EYA4: variants seen among roughly 807,000 people sequenced by gnomAD.
The protein encoded by EYA4 is EYA transcriptional coactivator and phosphatase 4.
Under a neutral mutation model 87.9 loss-of-function variants are expected in EYA4, and 31 were observed. The observed-to-expected ratio is 0.35, with a 90% CI of 0.27 to 0.48. The LOEUF (loss-of-function observed/expected upper bound fraction) is 0.48. Ranked by LOEUF, EYA4 falls within the 20% of genes least tolerant of loss-of-function variation. The pLI is 0.99. For missense variants in EYA4, 678 were observed against 761.4 expected, an observed-to-expected ratio of 0.89 and a Z score of 1.29; for synonymous variants, 263 against 270.6, an observed-to-expected ratio of 0.97 and a Z score of 0.28.
In EYA4 at chr6:133,529,523, A is replaced by G. The variant is rs1335202120; in HGVS notation, c.*718A>G. ...TTGGTTAAAATCTCTGTAGATAATG[A>G]AAAAAAACAAAAAAAAAAACCTTTG... On this transcript the variant is annotated 3_prime_UTR_variant, in exon 20 of 20. Coordinates refer to ENST00000355286, the MANE Select transcript of EYA4 (RefSeq NM_004100.5). 5 of 947,084 alleles carry G rather than the reference A, an allele frequency of 5.3e-6. No individual in the cohort carries two copies. Among genetic ancestry groups the G allele is most frequent in the East Asian group, 1.2e-4 (1 of 8,256 alleles). The allele number at this position is 947,084 out of a possible 1,614,324, so 58.7% of individuals were successfully genotyped here. A position where few individuals can be genotyped will look rare whatever the true frequency, so the allele number is the denominator to read the frequency against.
intron 17 of EYA4, among the ~76,000 whole-genome samples, chr6:133,520,540 C>T (rs1800025308): frequency 8.1e-6 from 1 of 123,502 alleles, no homozygotes; most frequent in African/African-American, 3.0e-5. Flanking sequence ...GAATCAATAT[C>T]GTGAAAATGG....
At position 133,465,971 on chromosome 6, in the gene EYA4, G is replaced by GT. The variant is rs987693493; in HGVS notation, c.804+1121dup. ...ATACATTTTATTTTTTAAAATTGAG[G>GT]TTTTTTTTGTAACTTGATTTTATGC... On this transcript the variant is annotated intron_variant, in intron 10 of 19. Transcript: ENST00000355286. Among the ~76,000 whole-genome samples, 12 of 151,910 alleles carry GT rather than the reference G, an allele frequency of 7.9e-5. No homozygotes were observed. In the East Asian group the frequency reaches 1.4e-3, roughly 17 times the overall value.
intron 1 of EYA4, among the ~76,000 whole-genome samples, chr6:133,250,001 TTGAA>T (rs1274906352): frequency 1.3e-5 from 2 of 152,164 alleles, no homozygotes; most frequent in African/African-American, 4.8e-5. Context: ...TATATTCCCA[TTGAA>T]TGAATGAGTA....
intron 2 of EYA4, among the ~76,000 whole-genome samples, chr6:133,338,088 C>T (rs556277524): frequency 5.3e-4 from 81 of 152,250 alleles, no homozygotes; most frequent in African/African-American, 1.8e-3. Flanking sequence ...AAAGAACATT[C>T]ATTCTTTGTA....
chr6:133,293,472 A>G (rs1778655720), intron 2 of EYA4, among the ~76,000 whole-genome samples: 1 of 152,072 alleles, frequency 6.6e-6, no homozygotes. Context: ...ATGAATGAGA[A>G]TAAGAAAGGC....
chr6:133,315,557 A>C (rs1183200878), intron 2 of EYA4, among the ~76,000 whole-genome samples: 1 of 152,214 alleles, frequency 6.6e-6, no homozygotes, highest in East Asian at 1.9e-4. Context: ...CCAAAATGGT[A>C]AAAGAAAATG....
intron 2 of EYA4, among the ~76,000 whole-genome samples, chr6:133,337,750 C>T (rs1450898788): frequency 6.6e-6 from 1 of 152,174 alleles, no homozygotes; most frequent in East Asian, 1.9e-4. Flanking sequence ...AAACACTTTT[C>T]TATGCTGTTT....
chr6:133,478,527 C>T (rs554985629), intron 11 of EYA4, among the ~76,000 whole-genome samples: 70 of 152,202 alleles, frequency 4.6e-4, no homozygotes, highest in South Asian at 4.2e-3. Context: ...TGGATTATCT[C>T]ACAGCAGTGA....
intron 1 of EYA4, among the ~76,000 whole-genome samples, chr6:133,265,300 GCAAAAACCGCAA>G (rs1472727356): frequency 1.8e-4 from 27 of 151,676 alleles, no homozygotes; most frequent in African/African-American, 6.3e-4. Flanking sequence ...ACTTTCAGTG[GCAAAAACCGCAA>G]TTGTTTTTGC....
chr6:133,400,385 G>A lies in EYA4; in HGVS notation c.83+17944G>A, dbSNP rs376378896. On this transcript the variant is annotated intron_variant, in intron 3 of 19. Coordinates refer to ENST00000355286, the MANE Select transcript of EYA4 (RefSeq NM_004100.5). ...TAGTAGGGTGTGGTGGCGCACGCCTGTAATCCCAGCTACTCCGGAGGATGA... is the reference window on the plus strand; with the variant it reads ...TAGTAGGGTGTGGTGGCGCACGCCTATAATCCCAGCTACTCCGGAGGATGA... 1.3e-4 allele frequency among the ~76,000 whole-genome samples: 20 copies of A among 152,160 alleles called. No homozygotes were observed. In the East Asian group the frequency reaches 3.7e-3, roughly 28 times the overall value.
chr6:133,528,814 T>C lies in EYA4; in HGVS notation c.*9T>C, dbSNP rs766259463. The C allele has an allele frequency of 6.2e-7, 1 of 1,613,436 alleles. No individual in the cohort carries two copies. Among genetic ancestry groups the C allele is most frequent in the Non-Finnish European group, 8.5e-7 (1 of 1,179,486 alleles). ...AATTAGAGTATTTGTAACTGTGTTC[T>C]TTAGCCGGAGATCCATTTTTTATAT... is the stretch of plus-strand genomic sequence containing the variant. On this transcript the variant is annotated 3_prime_UTR_variant, in exon 20 of 20. Transcript: ENST00000355286.
At chr6:133,414,983 TA>T (rs1789583325) in intron 3 of EYA4, among the ~76,000 whole-genome samples, 1 of 151,936 alleles carries the variant, frequency 6.6e-6, no homozygotes, top group South Asian at 2.1e-4. Flanking sequence ...TTTTATGCCA[TA>T]TTTTTTATGT....
intron 1 of EYA4, among the ~76,000 whole-genome samples, chr6:133,258,958 A>C (rs1363042787): frequency 6.6e-6 from 1 of 152,114 alleles, no homozygotes; most frequent in East Asian, 1.9e-4. Flanking sequence ...TATCATCATT[A>C]ATTTCTATTT....
rs143540005 is a variant in EYA4, at chr6:133,429,445, C to T, written c.84-17185C>T. Among the ~76,000 whole-genome samples, 46 of 151,900 alleles carry T rather than the reference C, an allele frequency of 3.0e-4. No individual in the cohort carries two copies. The East Asian group carries it at 5.8e-3, about 19-fold the overall frequency. On this transcript the variant is annotated intron_variant, in intron 3 of 19. Transcript: ENST00000355286. Reference sequence around the variant, plus strand: ...GGTCAAGGGAAGAATTAAGGAGAGGCGGAAAAATGCCCATGAGAGCAGTAA... The same window carrying T: ...GGTCAAGGGAAGAATTAAGGAGAGGTGGAAAAATGCCCATGAGAGCAGTAA...
intron 10 of EYA4, among the ~76,000 whole-genome samples, chr6:133,468,020 TA>T (rs928358721): frequency 2.5e-4 from 37 of 149,466 alleles, no homozygotes; most frequent in African/African-American, 7.6e-4. Context: ...AGAGGCTGGG[TA>T]AAAAAAAAAT....
intron 2 of EYA4, chr6:133,363,495 G>A (rs1175975364): frequency 1.1e-5 from 1 of 90,336 alleles, no homozygotes; most frequent in Admixed American, 1.2e-4. Context: ...TTTTTTTTTT[G>A]ACGGAATCTT....
chr6:133,412,521 T>TG (rs1789332899), intron 3 of EYA4, among the ~76,000 whole-genome samples: 1 of 152,212 alleles, frequency 6.6e-6, no homozygotes, highest in African/African-American at 2.4e-5. Context: ...GTAATGTATG[T>TG]ATTTTTTGTG....
chr6:133,362,523 G>T (rs1784523979), intron 2 of EYA4, among the ~76,000 whole-genome samples: 1 of 152,170 alleles, frequency 6.6e-6, no homozygotes, highest in South Asian at 2.1e-4. Flanking sequence ...TAATGGGGCA[G>T]TAAATGCCCT....
intron 9 of EYA4, among the ~76,000 whole-genome samples, chr6:133,463,052 A>G (rs890504357): frequency 6.6e-5 from 10 of 152,154 alleles, no homozygotes; most frequent in African/African-American, 1.4e-4. Flanking sequence ...TCAGCCACAC[A>G]TTTGGCGTCT....
Sources: allele counts gnomAD v4.1 joint callset (sites outside exome capture counted in the v4.1 genomes callset), GRCh38; gene constraint gnomAD v4.1.1; transcripts MANE v1.5; gene names NCBI Gene and HGNC (gene_info 2026-07-23, HGNC 2026-07-21).